Variants in CDH26 observed in about 807,000 individuals in gnomAD.
The protein encoded by CDH26 is cadherin-like protein 26.
In CDH26, 83 loss-of-function variants were observed where a neutral mutation model predicts 90.3. The ratio of observed to expected loss-of-function variants is 0.92; its 90% confidence interval spans 0.77 to 1.10. CDH26 has a LOEUF of 1.10. Ranked by LOEUF, CDH26 falls within the 50% of genes least tolerant of loss-of-function variation. CDH26 has a pLI of 0.00. For missense variants in CDH26, 1,013 were observed against 1,037.6 expected (o/e 0.98, Z 0.33); for synonymous variants, 397 against 396.3 (o/e 1.00, Z -0.02).
intron 8 of CDH26, 93 bp from the exon 9 acceptor site, chr20:59,988,811 C>T: frequency 7.1e-7 from 1 of 1,408,454 alleles, no homozygotes; most frequent in Non-Finnish European, 9.7e-7. Context: ...GCAAAAGCCA[C>T]AAGCTCTGAG....
At chr20:59,973,414 T>C (rs1380448513) in intron 4 of CDH26, among the ~76,000 whole-genome samples, 1 of 152,198 alleles carries the variant, frequency 6.6e-6, no homozygotes, top group African/African-American at 2.4e-5. Flanking sequence ...TTTTTAACTT[T>C]CATTTTAAGT....
chr20:59,985,443 G>A (rs951797728), intron 7 of CDH26, among the ~76,000 whole-genome samples: 2 of 152,034 alleles, frequency 1.3e-5, no homozygotes, highest in African/African-American at 4.8e-5. Context: ...GGTGGGTGGG[G>A]AAGAATGAGG....
At chr20:59,959,346 C>T (rs939644206) in intron 1 of CDH26, among the ~76,000 whole-genome samples, 7 of 149,826 alleles carry the variant, frequency 4.7e-5, no homozygotes, top group South Asian at 2.1e-4. Flanking sequence ...GTGATTTATT[C>T]GCCTTGCCCT....
At chr20:60,002,465 A>G (rs1362404316) in intron 15 of CDH26, among the ~76,000 whole-genome samples, 1 of 152,010 alleles carries the variant, frequency 6.6e-6, no homozygotes, top group African/African-American at 2.4e-5. Flanking sequence ...AGGGCCCCCA[A>G]CTTTCATCTT....
At chr20:59,967,847 T>C (rs1265798284) in intron 1 of CDH26, among the ~76,000 whole-genome samples, 13 of 103,936 alleles carry the variant, frequency 1.3e-4, no homozygotes, top group African/African-American at 7.2e-4. Context: ...CTTTCTTTCT[T>C]TCTTTCTTTC....
intron 1 of CDH26, among the ~76,000 whole-genome samples, chr20:59,965,069 A>G (rs1377491110): frequency 6.6e-6 from 1 of 152,236 alleles, no homozygotes; most frequent in African/African-American, 2.4e-5. Context: ...AGAAGCATCC[A>G]TTGTCTAAAA....
At chr20:60,006,852 C>A in intron 17 of CDH26, 65 bp downstream of exon 17, 1 of 1,253,328 alleles carries the variant, frequency 8.0e-7, no homozygotes, top group Non-Finnish European at 1.2e-6. Context: ...GTGCTCCAGG[C>A]TTGATTTGGG....
Position 59,994,336 on chromosome 20 carries a change from C to T in CDH26, c.1513C>T (p.Arg505Cys), listed in dbSNP as rs189349705. ...CGTCCCGACTCTCCGGCCACGTTCC[C>T]GCTACATGGAGGTCTGTGAGTCTGC... Reference protein sequence around the residue: ...DNVPTLRPRSRYMEVCESAVH... With the variant: ...DNVPTLRPRSCYMEVCESAVH... The change falls in exon 11 of 18, where the codon CGC (arginine) becomes TGC (cysteine). Residue 505 changes from arginine (R) to cysteine (C), a missense_variant. Physicochemically the swap from Arg to Cys is radical, Grantham distance 180 (BLOSUM62 -3). Coordinates refer to ENST00000348616, the MANE Select transcript of CDH26 (RefSeq NM_177980.4). 4.3e-6 allele frequency: 7 copies of T among 1,614,016 alleles called. No individual in the cohort carries two copies. The highest frequency in any genetic ancestry group is 2.2e-5 in the East Asian group (1 of 44,856).
chr20:60,000,244 A>G (rs1421215460), intron 14 of CDH26, among the ~76,000 whole-genome samples: 3 of 152,216 alleles, frequency 2.0e-5, no homozygotes, highest in African/African-American at 7.2e-5. Context: ...GGGTGTGGAA[A>G]CAGAATTAGA....
At chr20:59,971,848 A>AT in intron 3 of CDH26, 114 bp from the exon 4 acceptor site, 2 of 764,134 alleles carry the variant, frequency 2.6e-6, no homozygotes, top group Non-Finnish European at 4.2e-6. Flanking sequence ...CAGATGTGCC[A>AT]TTGCTGGGTA....
At chr20:60,021,897 C>CACACACACATATATATATATATATAT (rs1295572684) in intron 7 of CDH26, among the ~76,000 whole-genome samples, 1 of 78,932 alleles carries the variant, frequency 1.3e-5, no homozygotes, top group Non-Finnish European at 3.0e-5. Context: ...CACACACACA[C>CACACACACATATATATATATATATAT]ATATATATAT....
intron 4 of CDH26, 131 bp downstream of exon 4, chr20:59,972,254 C>T: frequency 1.3e-6 from 1 of 791,790 alleles, no homozygotes; most frequent in East Asian, 2.7e-5. Context: ...TTGTGACAAG[C>T]TTTACGAGTA....
In CDH26 at chr20:59,999,568, T is replaced by C. The variant is rs773249423; in HGVS notation, c.2020-18T>C. The C allele has an allele frequency of 1.1e-5, 18 of 1,607,514 alleles. No homozygotes were observed. In the Admixed American group the frequency reaches 1.5e-4, roughly 14 times the overall value. On this transcript the variant is annotated intron_variant, in intron 13 of 17. Coordinates refer to ENST00000348616, the MANE Select transcript of CDH26 (RefSeq NM_177980.4). ...GTGATTTCAGCCCTTGTCATATTTC[T>C]TTCTCTGTGTTCTACAGACATGGTC...
intron 17 of CDH26, among the ~76,000 whole-genome samples, chr20:60,012,223 G>A (rs968631168): frequency 6.6e-6 from 1 of 152,036 alleles, no homozygotes; most frequent in Non-Finnish European, 1.5e-5. Context: ...ACAGGGAAGG[G>A]CGAGCCTCAA....
chr20:59,972,075 G>A lies in CDH26; in HGVS notation c.345G>A (p.Arg115=), dbSNP rs1330260356. The change falls in exon 4 of 18, where the codon AGG becomes AGA. Residue 115 remains arginine, a synonymous_variant. Coordinates refer to ENST00000348616, the MANE Select transcript of CDH26 (RefSeq NM_177980.4). ...CTCTAGAAGATCATGAGAACGGAAG[G>A]ATATATGTTCACCGCCCTGTCGATC... ...LFSLEDHENG[R]IYVHRPVDRE... 1 of 1,614,070 alleles carries A rather than the reference G, an allele frequency of 6.2e-7. No homozygotes were observed. Among genetic ancestry groups the A allele is most frequent in the Non-Finnish European group, 8.5e-7 (1 of 1,179,974 alleles).
At chr20:59,996,342 C>G in intron 12 of CDH26, 2 of 1,443,904 alleles carry the variant, frequency 1.4e-6, no homozygotes, top group Non-Finnish European at 1.8e-6. Context: ...CAGCAATGTA[C>G]AGATATTCAG....
At chr20:60,031,060 G>A (rs369183931) in intron 7 of CDH26, among the ~76,000 whole-genome samples, 28 of 152,164 alleles carry the variant, frequency 1.8e-4, no homozygotes, top group Non-Finnish European at 3.1e-4. Context: ...CTAAACAAGG[G>A]GTGGGTTATT....
intron 5 of CDH26, among the ~76,000 whole-genome samples, chr20:59,984,212 TTC>T (rs1258723721): frequency 6.6e-6 from 1 of 152,268 alleles, no homozygotes; most frequent in Non-Finnish European, 1.5e-5. Flanking sequence ...CATTTCCATG[TTC>T]TATCAGTTGC....
At chr20:59,985,806 A>C (rs1228241089) in intron 7 of CDH26, among the ~76,000 whole-genome samples, 4 of 152,250 alleles carry the variant, frequency 2.6e-5, no homozygotes, top group Admixed American at 6.5e-5. Context: ...AACTATGCTA[A>C]GAACTTTTAC....
Sources: allele counts gnomAD v4.1 joint callset (sites outside exome capture counted in the v4.1 genomes callset), GRCh38; gene constraint gnomAD v4.1.1; transcripts MANE v1.5; gene names NCBI Gene and HGNC (gene_info 2026-07-23, HGNC 2026-07-21).